PRKCA: variants seen among roughly 807,000 people sequenced by gnomAD.
PRKCA encodes the protein protein kinase C alpha.
PRKCA carries 27 observed loss-of-function variants against 87.0 expected under a neutral mutation model. The observed-to-expected ratio is 0.31, with a 90% CI of 0.23 to 0.43. The LOEUF (loss-of-function observed/expected upper bound fraction) is 0.43. Ranked by LOEUF, PRKCA falls within the 20% of genes least tolerant of loss-of-function variation. PRKCA has a pLI of 1.00. For missense variants in PRKCA, 518 were observed against 852.3 expected (o/e 0.61, Z 4.88); for synonymous variants, 329 against 311.1 (o/e 1.06, Z -0.61).
At chr17:66,432,202 C>G (rs374071767) in intron 2 of PRKCA, among the ~76,000 whole-genome samples, 5 of 152,080 alleles carry the variant, frequency 3.3e-5, no homozygotes, top group African/African-American at 7.2e-5. Flanking sequence ...GCGTGAAGTT[C>G]GAGGCTGGTC....
chr17:66,588,821 TG>T (rs1969704550), intron 3 of PRKCA, among the ~76,000 whole-genome samples: 1 of 151,804 alleles, frequency 6.6e-6, no homozygotes, highest in African/African-American at 2.4e-5. Flanking sequence ...TTTGCATTTT[TG>T]TAGAGACAGG....
chr17:66,803,408 C>T lies in PRKCA; in HGVS notation c.1855-465C>T, dbSNP rs1188673322. Among the ~76,000 whole-genome samples, 2 of 152,222 alleles carry T rather than the reference C, an allele frequency of 1.3e-5. No homozygotes were observed. The highest frequency in any genetic ancestry group is 2.9e-5 in the Non-Finnish European group (2 of 68,046). On this transcript the variant is annotated intron_variant, in intron 16 of 16. Transcript: ENST00000413366. The surrounding 1 kb of genome is among the most constrained non-coding windows in gnomAD (Gnocchi z 4.4). Reference sequence around the variant, plus strand: ...GGCAAGGATAACACAGTTTTTACTTCACTACAAATATTGCGGCAAAAAAAC... The same window carrying T: ...GGCAAGGATAACACAGTTTTTACTTTACTACAAATATTGCGGCAAAAAAAC...
chr17:66,534,071 A>T (rs965538709), intron 3 of PRKCA, among the ~76,000 whole-genome samples: 1 of 88,502 alleles, frequency 1.1e-5, no homozygotes, highest in Non-Finnish European at 2.6e-5. Flanking sequence ...TGCCCCCCGC[A>T]CCCCCCCCAA....
At chr17:66,582,442 C>G (rs1204659786) in intron 3 of PRKCA, among the ~76,000 whole-genome samples, 3 of 151,992 alleles carry the variant, frequency 2.0e-5, no homozygotes, top group African/African-American at 7.3e-5. Context: ...GGGGGCGGTT[C>G]CCCCCATGCT....
intron 11 of PRKCA, among the ~76,000 whole-genome samples, chr17:66,740,285 G>C (rs1974128575): frequency 6.6e-6 from 1 of 152,108 alleles, no homozygotes; most frequent in Non-Finnish European, 1.5e-5. Flanking sequence ...GAGGGGTGTG[G>C]GGAGCTGGAA....
At chr17:66,375,195 C>G (rs1479116637) in intron 2 of PRKCA, among the ~76,000 whole-genome samples, 1 of 152,086 alleles carries the variant, frequency 6.6e-6, no homozygotes, top group Non-Finnish European at 1.5e-5. Context: ...CGAGGGAGAT[C>G]TTGAGAATGA....
At chr17:66,484,144 A>C (rs568003058) in intron 2 of PRKCA, among the ~76,000 whole-genome samples, 78 of 152,258 alleles carry the variant, frequency 5.1e-4, no homozygotes, top group Middle Eastern at 3.4e-3. Context: ...AAACTGTTGA[A>C]TCTCGTGAGA....
intron 2 of PRKCA, among the ~76,000 whole-genome samples, chr17:66,367,079 A>G (rs1048603850): frequency 5.3e-5 from 8 of 152,218 alleles, no homozygotes; most frequent in African/African-American, 1.9e-4. Flanking sequence ...TTTTGAAAAC[A>G]TTGCTTTCAG....
At chr17:66,359,280 C>T (rs376079454) in intron 2 of PRKCA, among the ~76,000 whole-genome samples, 2 of 152,186 alleles carry the variant, frequency 1.3e-5, no homozygotes, top group African/African-American at 4.8e-5. Flanking sequence ...CCCACAGACA[C>T]GCGTCACTTT....
At chr17:66,639,023 G>T (rs1768450995) in intron 3 of PRKCA, among the ~76,000 whole-genome samples, 2 of 152,182 alleles carry the variant, frequency 1.3e-5, no homozygotes, top group South Asian at 4.1e-4. Context: ...ATGTCACTTT[G>T]CATTGGAGAA....
At position 66,335,941 on chromosome 17, in the gene PRKCA, C is replaced by T. The variant is rs191489457; in HGVS notation, c.205+29814C>T. Among the ~76,000 whole-genome samples, 84 of 152,280 alleles carry T rather than the reference C, an allele frequency of 5.5e-4. 1 individual carries two copies. The highest frequency in any genetic ancestry group is 5.0e-3 in the South Asian group (24 of 4,826). On this transcript the variant is annotated intron_variant, in intron 2 of 16. Transcript: ENST00000413366. ...TACCCTCAGAATAGTTACTAAATTTCATTTCAGCCAAGCACACTTCCACCA... is the reference window on the plus strand; with the variant it reads ...TACCCTCAGAATAGTTACTAAATTTTATTTCAGCCAAGCACACTTCCACCA...
chr17:66,324,854 ATTC>A (rs1476630925), intron 2 of PRKCA, among the ~76,000 whole-genome samples: 3 of 152,298 alleles, frequency 2.0e-5, no homozygotes, highest in East Asian at 1.9e-4. Context: ...CAGCTTCAGA[ATTC>A]TTCTCAAATT....
chr17:66,689,849 G>A lies in PRKCA; in HGVS notation c.918+802G>A, dbSNP rs1416892345. Reference sequence around the variant, plus strand: ...ACTCCTAGAGTAGCCTTTTCAGTCTGTGTAACTGGTTAATTCCTTCGTGAA... The same window carrying A: ...ACTCCTAGAGTAGCCTTTTCAGTCTATGTAACTGGTTAATTCCTTCGTGAA... On this transcript the variant is annotated intron_variant, in intron 8 of 16. Coordinates refer to ENST00000413366, the MANE Select transcript of PRKCA (RefSeq NM_002737.3). This position sits in a 1 kb window ranked among gnomAD's most constrained non-coding sequence, Gnocchi z 4.1. Among the ~76,000 whole-genome samples the A allele has an allele frequency of 2.6e-5, 4 of 152,208 alleles. No homozygotes were observed. The highest frequency in any genetic ancestry group is 9.7e-5 in the African/African-American group (4 of 41,446).
intron 5 of PRKCA, among the ~76,000 whole-genome samples, chr17:66,669,925 T>A (rs1972132280): frequency 6.6e-6 from 1 of 152,182 alleles, no homozygotes; most frequent in Non-Finnish European, 1.5e-5. Context: ...TCTGGAAAAC[T>A]TTTAATTACA....
chr17:66,748,804 C>A (rs941492456), intron 13 of PRKCA, among the ~76,000 whole-genome samples: 1 of 151,768 alleles, frequency 6.6e-6, no homozygotes, highest in East Asian at 1.9e-4. Context: ...AGTTTCTAAG[C>A]CAAAGGGGAA....
Position 66,587,865 on chromosome 17 carries a change from A to ATGTG in PRKCA, c.289-53487_289-53486insGTGT, listed in dbSNP as rs763898815. Among the ~76,000 whole-genome samples the ATGTG allele has an allele frequency of 3.0e-4, 17 of 56,516 alleles. 3 individuals carry two copies. Among genetic ancestry groups the ATGTG allele is most frequent in the African/African-American group, 1.0e-3 (17 of 17,046 alleles). 37.1% of individuals were successfully genotyped at this position (56,516 alleles called of 152,430 possible). On this transcript the variant is annotated intron_variant, in intron 3 of 16. Coordinates refer to ENST00000413366, the MANE Select transcript of PRKCA (RefSeq NM_002737.3). Reference sequence around the variant, plus strand: ...TGTATCTACATATACATATATACATATGTATGTGTGTGTGTGTGTGTGTGT... The same window carrying ATGTG: ...TGTATCTACATATACATATATACATATGTGTGTATGTGTGTGTGTGTGTGTGTGT...
At chr17:66,413,661 C>T (rs12450967) in intron 2 of PRKCA, among the ~76,000 whole-genome samples, 79,616 of 151,914 alleles carry the variant, frequency 0.52, 22,505 homozygotes, top group Non-Finnish European at 0.64. Context: ...TCAGACACTC[C>T]GGTCTCTCAG....
At chr17:66,446,971 C>T (rs74946937) in intron 2 of PRKCA, among the ~76,000 whole-genome samples, 8 of 152,338 alleles carry the variant, frequency 5.3e-5, no homozygotes, top group Non-Finnish European at 8.8e-5. Context: ...AAAGACAGTA[C>T]ACTTGTGTGT....
chr17:66,640,896 C>A, intron 3 of PRKCA: 1 of 424,460 alleles, frequency 2.4e-6, no homozygotes, highest in South Asian at 1.7e-5. Context: ...TGTGGTGGTT[C>A]ACGCCTGTAA....
Sources: gnomAD v4.1 joint callset for allele counts (sites outside exome capture counted in the v4.1 genomes callset) on GRCh38, gnomAD v4.1.1 for gene constraint, Gnocchi (gnomAD v3.1) non-coding constraint, MANE v1.5 for transcripts, NCBI Gene and HGNC (gene_info 2026-07-23, HGNC 2026-07-21) for gene names.